RAD51B: variants seen among roughly 807,000 people sequenced by gnomAD.
The protein encoded by RAD51B is RAD51 paralog B, also known as DNA repair protein RAD51 homolog 2.
Under a neutral mutation model 42.2 loss-of-function variants are expected in RAD51B, and 38 were observed. The ratio of observed to expected loss-of-function variants is 0.90; its 90% CI spans 0.70 to 1.18. The LOEUF (loss-of-function observed/expected upper bound fraction) is 1.18. Ranked by LOEUF, RAD51B falls within the 50% of genes most tolerant of loss-of-function variation. RAD51B has a pLI of 0.00. For synonymous variants in RAD51B, 154 were observed against 145.2 expected (o/e 1.06, Z -0.43); for missense variants, 373 against 400.7 (o/e 0.93, Z 0.59).
chr14:68,415,217 G>A (rs1483542621), intron 9 of RAD51B, among the ~76,000 whole-genome samples: 1 of 151,958 alleles, frequency 6.6e-6, no homozygotes, highest in Non-Finnish European at 1.5e-5. Flanking sequence ...TGATTCTAAT[G>A]TGCAGCCAAG....
chr14:67,872,621 G>T (rs894429626), intron 5 of RAD51B, among the ~76,000 whole-genome samples: 1 of 150,576 alleles, frequency 6.6e-6, no homozygotes, highest in African/African-American at 2.5e-5. Flanking sequence ...AAAAGAGCCC[G>T]CATCGCCAAG....
Position 68,221,733 on chromosome 14 carries a change from AAC to A in RAD51B, c.757-70149_757-70148del, listed in dbSNP as rs1292868839. ...CTTCTTCACAGCAAAAGAAATAATCAACAGAGTTAACAAACAACCCACAGAGT... is the reference window on the plus strand; with the variant it reads ...CTTCTTCACAGCAAAAGAAATAATCAAGAGTTAACAAACAACCCACAGAGT... On this transcript the variant is annotated intron_variant, in intron 7 of 10. Transcript: ENST00000471583. Among the ~76,000 whole-genome samples the A allele has an allele frequency of 2.6e-5, 4 of 152,270 alleles. No homozygotes were observed. In the South Asian group the frequency reaches 6.2e-4, roughly 24 times the overall value.
chr14:68,571,629 G>A (rs1436437478), intron 10 of RAD51B, among the ~76,000 whole-genome samples: 2 of 152,162 alleles, frequency 1.3e-5, no homozygotes, highest in African/African-American at 4.8e-5. Context: ...CTGTTTTAAG[G>A]TTAGCTAACT....
chr14:68,438,099 T>C (rs1786501765), intron 9 of RAD51B, among the ~76,000 whole-genome samples: 1 of 152,172 alleles, frequency 6.6e-6, no homozygotes. Context: ...GACTCAGTCC[T>C]GCAGGTTTTC....
intron 7 of RAD51B, among the ~76,000 whole-genome samples, chr14:68,274,396 TCTC>T (rs2081180817): frequency 6.6e-6 from 1 of 152,118 alleles, no homozygotes; most frequent in African/African-American, 2.4e-5. Flanking sequence ...TCTACCCACA[TCTC>T]CTATCTTTAA....
At chr14:67,914,585 TTTA>T (rs1354447254) in intron 7 of RAD51B, among the ~76,000 whole-genome samples, 1 of 152,214 alleles carries the variant, frequency 6.6e-6, no homozygotes, top group Non-Finnish European at 1.5e-5. Flanking sequence ...TATATTTTCT[TTTA>T]TTATGTCTAA....
At chr14:68,512,266 C>A (rs1251298778) in intron 10 of RAD51B, among the ~76,000 whole-genome samples, 2 of 145,228 alleles carry the variant, frequency 1.4e-5, no homozygotes, top group Non-Finnish European at 3.2e-5. Context: ...TTCTCTGGAT[C>A]CAAATTTGAG....
At chr14:68,039,665 T>G (rs1024938880) in intron 7 of RAD51B, among the ~76,000 whole-genome samples, 1 of 152,182 alleles carries the variant, frequency 6.6e-6, no homozygotes, top group Non-Finnish European at 1.5e-5. Context: ...ATTGTAAGAA[T>G]GAGATGTTGC....
At chr14:67,905,024 T>C (rs1182737312) in intron 7 of RAD51B, among the ~76,000 whole-genome samples, 1 of 151,926 alleles carries the variant, frequency 6.6e-6, no homozygotes, top group East Asian at 1.9e-4. Flanking sequence ...GGTTTTCTTC[T>C]ATGGTTTTTG....
intron 7 of RAD51B, chr14:68,125,522 C>A (rs1176870700): frequency 6.6e-6 from 1 of 152,206 alleles, no homozygotes; most frequent in Non-Finnish European, 1.5e-5. Flanking sequence ...ACTGGGGCTT[C>A]ATCAATGCAA....
intron 7 of RAD51B, among the ~76,000 whole-genome samples, chr14:68,168,548 C>T (rs1006824747): frequency 6.6e-6 from 1 of 152,068 alleles, no homozygotes; most frequent in Non-Finnish European, 1.5e-5. Flanking sequence ...AAAATCTAAT[C>T]ATATCATCTA....
chr14:68,168,784 A>G (rs1047368237), intron 7 of RAD51B, among the ~76,000 whole-genome samples: 1 of 152,202 alleles, frequency 6.6e-6, no homozygotes, highest in African/African-American at 2.4e-5. Context: ...TTAACTTAAT[A>G]GAAATAAGAC....
intron 7 of RAD51B, among the ~76,000 whole-genome samples, chr14:68,029,528 A>G (rs965753270): frequency 1.3e-5 from 2 of 152,198 alleles, no homozygotes; most frequent in African/African-American, 4.8e-5. Context: ...TTCAAGTTTT[A>G]TGGTGAGATT....
At chr14:68,353,773 G>C (rs1367092330) in intron 8 of RAD51B, among the ~76,000 whole-genome samples, 1 of 152,180 alleles carries the variant, frequency 6.6e-6, no homozygotes, top group Non-Finnish European at 1.5e-5. Context: ...TCAATGTTTC[G>C]TTTAGAATTT....
intron 7 of RAD51B, among the ~76,000 whole-genome samples, chr14:68,024,068 T>G (rs2075911951): frequency 6.6e-6 from 1 of 152,212 alleles, no homozygotes; most frequent in Admixed American, 6.5e-5. Context: ...TTTATATGGC[T>G]AGCCAGCTAT....
intron 8 of RAD51B, among the ~76,000 whole-genome samples, chr14:68,393,015 C>T (rs1369197405): frequency 6.6e-6 from 1 of 152,218 alleles, no homozygotes; most frequent in Non-Finnish European, 1.5e-5. Context: ...CTTCTCCTTC[C>T]TTTGTCTATT....
At chr14:68,433,442 A>G (rs1055812392) in intron 9 of RAD51B, among the ~76,000 whole-genome samples, 1 of 151,926 alleles carries the variant, frequency 6.6e-6, no homozygotes, top group Non-Finnish European at 1.5e-5. Context: ...GGCTTTGTTC[A>G]TTTCTTTTTA....
At chr14:68,584,789 A>C (rs1200876592) in intron 10 of RAD51B, among the ~76,000 whole-genome samples, 2 of 152,170 alleles carry the variant, frequency 1.3e-5, no homozygotes, top group African/African-American at 4.8e-5. Flanking sequence ...GTACTTTATA[A>C]CATATGGCAT....
At chr14:67,965,599 C>G (rs958407683) in intron 7 of RAD51B, among the ~76,000 whole-genome samples, 1 of 152,034 alleles carries the variant, frequency 6.6e-6, no homozygotes, top group Non-Finnish European at 1.5e-5. Flanking sequence ...TGGCTCTGAT[C>G]TACTTATTCT....
Sources: allele counts gnomAD v4.1 joint callset (sites outside exome capture counted in the v4.1 genomes callset), GRCh38; gene constraint gnomAD v4.1.1; transcripts MANE v1.5; gene names NCBI Gene and HGNC (gene_info 2026-07-23, HGNC 2026-07-21).